Variants in TMEM245 observed in about 807,000 individuals in gnomAD.
TMEM245 encodes protein CG-2.
TMEM245 carries 69 observed loss-of-function variants against 101.2 expected under a neutral mutation model. That is an observed-to-expected ratio of 0.68 (90% CI 0.56 to 0.83). TMEM245 has a LOEUF of 0.83. Among genes scored for constraint, TMEM245 ranks in the 40% least tolerant of loss-of-function variants. The pLI is 0.00. For synonymous variants in TMEM245, 537 were observed against 449.8 expected, an observed-to-expected ratio of 1.19 and a Z score of -2.45; for missense variants, 1,075 against 1,092.8, an observed-to-expected ratio of 0.98 and a Z score of 0.23.
At chr9:109,117,519 C>T (rs1267757961) in intron 1 of TMEM245, among the ~76,000 whole-genome samples, 1 of 152,208 alleles carries the variant, frequency 6.6e-6, no homozygotes, top group Non-Finnish European at 1.5e-5. Context: ...TCATCCACAA[C>T]CCACAAATGA....
intron 12 of TMEM245, among the ~76,000 whole-genome samples, chr9:109,055,078 G>A (rs1377616402): frequency 6.6e-6 from 1 of 152,070 alleles, no homozygotes. Context: ...TTCTCTTTCC[G>A]TAAGAATTTA....
At chr9:109,096,342 T>C (rs1053931054) in intron 3 of TMEM245, among the ~76,000 whole-genome samples, 1 of 152,138 alleles carries the variant, frequency 6.6e-6, no homozygotes, top group Non-Finnish European at 1.5e-5. Flanking sequence ...CTGGGCATGG[T>C]GGCACACGCC....
chr9:109,108,440 A>G lies in TMEM245; in HGVS notation c.697+13T>C, dbSNP rs1830484566. 6 of 1,384,668 alleles carry G rather than the reference A, an allele frequency of 4.3e-6. No homozygotes were observed. Among genetic ancestry groups the G allele is most frequent in the East Asian group, 2.5e-5 (1 of 40,350 alleles). 85.8% of individuals were successfully genotyped at this position (1,384,668 alleles called of 1,614,324 possible). On this transcript the variant is annotated intron_variant, in intron 2 of 17. Transcript: ENST00000374586. ...AGACTTAAAAAAAAAAAAAAAAAAA[A>G]GAAGGAACCCACCTAAATGAAAAAG...
chr9:109,075,086 A>C (rs573506061), intron 8 of TMEM245, among the ~76,000 whole-genome samples: 76 of 152,350 alleles, frequency 5.0e-4, no homozygotes, highest in Middle Eastern at 3.4e-3. Flanking sequence ...AATGAGGCTA[A>C]GGAACAATTC....
chr9:109,115,522 C>CTTTTTTTTT (rs752894720), intron 1 of TMEM245, among the ~76,000 whole-genome samples: 1 of 67,194 alleles, frequency 1.5e-5, no homozygotes, highest in Non-Finnish European at 2.6e-5. Context: ...TAACTGGAAT[C>CTTTTTTTTT]TTTTTTTTTT....
chr9:109,019,908 A>G lies in TMEM245; in HGVS notation c.*552T>C, dbSNP rs1827568562. 1 of 152,322 alleles carries G rather than the reference A, an allele frequency of 6.6e-6. No homozygotes were observed. Among genetic ancestry groups the G allele is most frequent in the South Asian group, 2.1e-4 (1 of 4,840 alleles). 9.4% of individuals were successfully genotyped at this position (152,322 alleles called of 1,614,324 possible). On this transcript the variant is annotated 3_prime_UTR_variant, in exon 18 of 18. Transcript: ENST00000374586. ...ATCAAATAAGCCACCCCACCCTTAT[A>G]CTTATGATTTATTATTTCTTAAAGA...
chr9:109,113,062 C>A (rs1234859234), intron 1 of TMEM245, among the ~76,000 whole-genome samples: 1 of 152,134 alleles, frequency 6.6e-6, no homozygotes, highest in African/African-American at 2.4e-5. Flanking sequence ...AGTGACAGAG[C>A]AAGGCTCCAT....
Position 109,019,326 on chromosome 9 carries a change from G to C in TMEM245, c.*1134C>G, listed in dbSNP as rs1430269567. 1 of 151,830 alleles carries C rather than the reference G, an allele frequency of 6.6e-6. No individual in the cohort carries two copies. Among genetic ancestry groups the C allele is most frequent in the Admixed American group, 6.5e-5 (1 of 15,270 alleles). The allele number at this position is 151,830 out of a possible 1,614,324, so 9.4% of individuals were successfully genotyped here. A position where few individuals can be genotyped will look rare whatever the true frequency, so the allele number is the denominator to read the frequency against. Reference sequence around the variant, plus strand: ...AAATCCTACTACACTTTACGACTTTGAGTTGGTCACTTTTCTGAACCTTAG... The same window carrying C: ...AAATCCTACTACACTTTACGACTTTCAGTTGGTCACTTTTCTGAACCTTAG... On this transcript the variant is annotated 3_prime_UTR_variant, in exon 18 of 18. Coordinates refer to ENST00000374586, the MANE Select transcript of TMEM245 (RefSeq NM_032012.4).
intron 12 of TMEM245, 121 bp downstream of exon 12, chr9:109,057,070 T>C (rs2132418952): frequency 9.1e-7 from 1 of 1,100,422 alleles, no homozygotes; most frequent in Non-Finnish European, 1.3e-6. Flanking sequence ...AGTTCTCAAA[T>C]ATGTAAATGT....
chr9:109,119,884 CG>C lies in TMEM245; in HGVS notation c.29del (p.Ala10GlyfsTer92). 3 of 1,300,782 alleles carry C rather than the reference CG, an allele frequency of 2.3e-6. No homozygotes were observed. The South Asian group carries it at 7.7e-5, about 33-fold the overall frequency. The allele number at this position is 1,300,782 out of a possible 1,614,324, so 80.6% of individuals were successfully genotyped here. MADGGGPKD[A>X]PSLRSSPGPA... Reference sequence around the variant, plus strand: ...GCCCGGGAGAGCTCCGCAGGCTTGGCGCGTCCTTAGGGCCGCCGCCGTCGGC... The same window carrying C: ...GCCCGGGAGAGCTCCGCAGGCTTGGCCGTCCTTAGGGCCGCCGCCGTCGGC... On this transcript the variant is annotated frameshift_variant, in exon 1 of 18. Coordinates refer to ENST00000374586, the MANE Select transcript of TMEM245 (RefSeq NM_032012.4). LOFTEE classifies it high-confidence loss of function.
intron 11 of TMEM245, among the ~76,000 whole-genome samples, chr9:109,059,809 G>A (rs1316060955): frequency 6.6e-6 from 1 of 152,002 alleles, no homozygotes; most frequent in Non-Finnish European, 1.5e-5. Context: ...TAGCCAGTAG[G>A]AGCTAGCCAC....
intron 1 of TMEM245, among the ~76,000 whole-genome samples, chr9:109,115,522 C>CTTTT (rs752894720): frequency 0.061 from 4,106 of 67,250 alleles, 460 homozygotes; most frequent in Non-Finnish European, 0.088. Context: ...TAACTGGAAT[C>CTTTT]TTTTTTTTTT....
chr9:109,071,658 G>A (rs1829338502), intron 9 of TMEM245, among the ~76,000 whole-genome samples: 1 of 151,872 alleles, frequency 6.6e-6, no homozygotes. Flanking sequence ...TCCTAGGCAG[G>A]TTTTATATAA....
At chr9:109,086,068 G>A in intron 6 of TMEM245, 48 bp from the exon 7 acceptor site, 3 of 1,586,216 alleles carry the variant, frequency 1.9e-6, no homozygotes, top group Non-Finnish European at 1.7e-6. Flanking sequence ...GAACAGTGGA[G>A]TATCATTAGA....
chr9:109,090,386 C>G (rs1279561869), intron 5 of TMEM245, among the ~76,000 whole-genome samples: 1 of 152,044 alleles, frequency 6.6e-6, no homozygotes, highest in African/African-American at 2.4e-5. Context: ...ATCTCAAATA[C>G]TACATGAAAT....
At chr9:109,023,100 A>AAAAC (rs1215980743) in intron 17 of TMEM245, among the ~76,000 whole-genome samples, 1 of 152,222 alleles carries the variant, frequency 6.6e-6, no homozygotes, top group South Asian at 2.1e-4. Context: ...AGGACTCAGG[A>AAAAC]AAACAAACAA....
intron 14 of TMEM245, among the ~76,000 whole-genome samples, chr9:109,043,759 T>A (rs1554720238): frequency 6.6e-6 from 1 of 152,190 alleles, no homozygotes; most frequent in Non-Finnish European, 1.5e-5. Flanking sequence ...CTCCCATTAC[T>A]ACACAGTCTT....
intron 4 of TMEM245, among the ~76,000 whole-genome samples, chr9:109,091,966 G>A (rs523340): frequency 0.1 from 15,178 of 152,104 alleles, 921 homozygotes; most frequent in South Asian, 0.24. Context: ...AGTATGTCAC[G>A]TTGAATGTGT....
intron 14 of TMEM245, among the ~76,000 whole-genome samples, chr9:109,049,415 ATG>A (rs1162652180): frequency 6.6e-6 from 1 of 152,128 alleles, no homozygotes; most frequent in Non-Finnish European, 1.5e-5. Context: ...AGGTCTCGCT[ATG>A]CTGCCCAGGT....
Sources: allele counts gnomAD v4.1 joint callset (sites outside exome capture counted in the v4.1 genomes callset), GRCh38; gene constraint gnomAD v4.1.1; transcripts MANE v1.5; gene names NCBI Gene and HGNC (gene_info 2026-07-23, HGNC 2026-07-21).